Variants in KY observed in about 807,000 individuals in gnomAD.
KY encodes kyphoscoliosis peptidase.
A neutral mutation model predicts 76.1 loss-of-function variants in KY; 43 were observed. The observed-to-expected ratio is 0.57, with a 90% CI of 0.44 to 0.73. The LOEUF is 0.73. KY is among the 30% of genes least tolerant of loss of function. The pLI is 0.00. For synonymous variants in KY, 277 were observed against 326.2 expected, an observed-to-expected ratio of 0.85 and a Z score of 1.63; for missense variants, 722 against 828.9, an observed-to-expected ratio of 0.87 and a Z score of 1.58.
intron 5 of KY, among the ~76,000 whole-genome samples, chr3:134,626,779 T>C (rs1330947737): frequency 6.6e-6 from 1 of 152,198 alleles, no homozygotes; most frequent in Non-Finnish European, 1.5e-5. Flanking sequence ...GTTTCTTGCC[T>C]GGCCACCATG....
intron 9 of KY, among the ~76,000 whole-genome samples, chr3:134,609,867 C>G (rs1358141119): frequency 6.6e-6 from 1 of 152,202 alleles, no homozygotes; most frequent in Non-Finnish European, 1.5e-5. Flanking sequence ...TGGAAGGGAA[C>G]CTGCCAACAA....
At chr3:134,640,671 G>A (rs1965632126) in intron 3 of KY, among the ~76,000 whole-genome samples, 1 of 152,152 alleles carries the variant, frequency 6.6e-6, no homozygotes, top group South Asian at 2.1e-4. Flanking sequence ...AAAATGGCAG[G>A]TGCTGGCACC....
intron 2 of KY, among the ~76,000 whole-genome samples, chr3:134,645,105 G>A (rs1426541374): frequency 6.6e-6 from 1 of 152,228 alleles, no homozygotes; most frequent in African/African-American, 2.4e-5. Flanking sequence ...TGCACAATTG[G>A]TTTCCCTTTA....
intron 8 of KY, among the ~76,000 whole-genome samples, chr3:134,612,130 T>G (rs1960582331): frequency 6.6e-6 from 1 of 152,132 alleles, no homozygotes; most frequent in Non-Finnish European, 1.5e-5. Flanking sequence ...GCTTGGAAGT[T>G]TTCTAGCCCC....
At chr3:134,610,724 T>A (rs1577609953) in intron 8 of KY, 1 of 211,096 alleles carries the variant, frequency 4.7e-6, no homozygotes, top group East Asian at 1.1e-4. Context: ...GAGGAAAAAA[T>A]GGGGGCAAGC....
At chr3:134,608,573 T>A in intron 10 of KY, 76 bp downstream of exon 10, 1 of 1,612,398 alleles carries the variant, frequency 6.2e-7, no homozygotes, top group Non-Finnish European at 8.5e-7. Flanking sequence ...AAGCGCAGTC[T>A]CAGGCGGGCT....
At position 134,603,885 on chromosome 3, in the gene KY, G is replaced by A. The variant is rs773393840; in HGVS notation, c.1680C>T (p.Asn560=). ...GGAACATGGGCCAGTTCACCTTGGT[G>A]TTGGCACAGCATACAAGGTAATTAA... The part of the protein sequence containing the change: ...FVFNYLVCCA[N]TKVNWPMFPE... Residue 560 remains asparagine (N), a synonymous_variant, in exon 11 of 11, where the codon AAC becomes AAT. Coordinates refer to ENST00000423778, the MANE Select transcript of KY (RefSeq NM_178554.6). 1.9e-6 allele frequency: 3 copies of A among 1,613,902 alleles called. No individual in the cohort carries two copies. The Admixed American group carries it at 5.0e-5, about 27-fold the overall frequency.
chr3:134,604,572 G>T (rs1341331888), intron 10 of KY, 98 bp from the exon 11 acceptor site: 1 of 1,023,208 alleles, frequency 9.8e-7, no homozygotes, highest in Non-Finnish European at 1.4e-6. Context: ...AAAACGTCCT[G>T]ACTTATAGAG....
rs1330370537 is a variant in KY, at chr3:134,600,291, T to G, written c.*3288A>C. Among the ~76,000 whole-genome samples, 3 of 152,220 alleles carry G rather than the reference T, an allele frequency of 2.0e-5. No individual in the cohort carries two copies. Among genetic ancestry groups the G allele is most frequent in the Admixed American group, 2.0e-4 (3 of 15,288 alleles). On this transcript the variant is annotated 3_prime_UTR_variant, in exon 11 of 11. Coordinates refer to ENST00000423778, the MANE Select transcript of KY (RefSeq NM_178554.6). ...CCTCAGACCACTGGGAAAACTTTTC[T>G]CCTTTTCAAGTCCTTTGAGAAGAGG...
At chr3:134,630,322 C>T (rs1252641160) in intron 3 of KY, among the ~76,000 whole-genome samples, 1 of 152,250 alleles carries the variant, frequency 6.6e-6, no homozygotes, top group African/African-American at 2.4e-5. Flanking sequence ...CATGCAGCCA[C>T]CTACAACTCT....
At chr3:134,646,537 A>G (rs1474558446) in intron 2 of KY, among the ~76,000 whole-genome samples, 4 of 152,208 alleles carry the variant, frequency 2.6e-5, no homozygotes, top group Non-Finnish European at 4.4e-5. Flanking sequence ...AGTAAGCACT[A>G]TAGGCATTTG....
intron 8 of KY, among the ~76,000 whole-genome samples, chr3:134,618,649 A>G (rs1275860190): frequency 6.6e-6 from 1 of 151,698 alleles, no homozygotes; most frequent in Non-Finnish European, 1.5e-5. Flanking sequence ...GCCCACTCCC[A>G]GAGTGCTGAA....
At chr3:134,638,113 C>G (rs1228714994) in intron 3 of KY, among the ~76,000 whole-genome samples, 13 of 152,190 alleles carry the variant, frequency 8.5e-5, no homozygotes, top group Non-Finnish European at 1.9e-4. Flanking sequence ...GAGTGTGATT[C>G]CTGCTCTCAC....
At chr3:134,649,111 G>A (rs1966778439) in intron 1 of KY, among the ~76,000 whole-genome samples, 1 of 151,540 alleles carries the variant, frequency 6.6e-6, no homozygotes, top group African/African-American at 2.4e-5. Context: ...TCTCTGCTCT[G>A]GTTGTGAATA....
chr3:134,608,516 C>T, intron 10 of KY, 133 bp downstream of exon 10: 8 of 1,575,854 alleles, frequency 5.1e-6, no homozygotes, highest in Non-Finnish European at 6.9e-6. Flanking sequence ...CACACACAAG[C>T]TTTGTGCTAA....
intron 2 of KY, among the ~76,000 whole-genome samples, chr3:134,645,832 C>T (rs2108026874): frequency 6.6e-6 from 1 of 152,294 alleles, no homozygotes; most frequent in Middle Eastern, 3.4e-3. Context: ...TTATAATGGT[C>T]TTGTAATAGT....
chr3:134,650,373 C>G (rs1312608705), intron 1 of KY, among the ~76,000 whole-genome samples: 1 of 152,192 alleles, frequency 6.6e-6, no homozygotes, highest in Non-Finnish European at 1.5e-5. Flanking sequence ...CAAGGCCACA[C>G]AGGGAGCTCC....
intron 4 of KY, among the ~76,000 whole-genome samples, chr3:134,628,677 A>C (rs539215380): frequency 5.7e-4 from 87 of 152,314 alleles, no homozygotes; most frequent in African/African-American, 2.1e-3. Context: ...CACACTTACT[A>C]TGCCTGGCTT....
intron 3 of KY, among the ~76,000 whole-genome samples, chr3:134,641,797 G>T (rs889836439): frequency 6.6e-6 from 1 of 152,148 alleles, no homozygotes; most frequent in African/African-American, 2.4e-5. Context: ...CTGGCTCAGG[G>T]TGTTTGACTT....
Sources: gnomAD v4.1 joint callset for allele counts (sites outside exome capture counted in the v4.1 genomes callset) on GRCh38, gnomAD v4.1.1 for gene constraint, MANE v1.5 for transcripts, NCBI Gene and HGNC (gene_info 2026-07-23, HGNC 2026-07-21) for gene names.